The following NEBL variants were observed in gnomAD, a reference collection of about 807,000 sequenced individuals.
NEBL encodes the protein nebulette.
In NEBL, 122 loss-of-function variants were observed where a neutral mutation model predicts 140.2. That is an observed-to-expected ratio of 0.87 (90% CI 0.75 to 1.01). NEBL has a LOEUF of 1.01. Among genes scored for constraint, NEBL ranks in the 50% least tolerant of loss-of-function variants. The probability of loss-of-function intolerance (pLI) is 0.00; values close to 1 mark genes in which losing one functional copy is unlikely to be tolerated. For synonymous variants in NEBL, 436 were observed against 398.9 expected (o/e 1.09, Z -1.11); for missense variants, 1,365 against 1,231.3 (o/e 1.11, Z -1.62).
At chr10:21,252,662 T>G (rs919267580) in intron 1 of NEBL, among the ~76,000 whole-genome samples, 5 of 152,096 alleles carry the variant, frequency 3.3e-5, no homozygotes, top group Admixed American at 2.6e-4. Context: ...CCTATAAAAA[T>G]GAGGCAGAGG....
At chr10:20,875,157 T>C (rs1377845392) in intron 5 of NEBL, among the ~76,000 whole-genome samples, 1 of 152,208 alleles carries the variant, frequency 6.6e-6, no homozygotes, top group Non-Finnish European at 1.5e-5. Flanking sequence ...CCTGAGCTCA[T>C]ATTTTTATCT....
At chr10:20,799,115 GAAAT>G (rs1339096689) in intron 26 of NEBL, among the ~76,000 whole-genome samples, 2 of 152,078 alleles carry the variant, frequency 1.3e-5, no homozygotes, top group African/African-American at 4.8e-5. Context: ...ACATTATAAA[GAAAT>G]AATTCATTTT....
chr10:20,959,749 A>C (rs989508798), intron 4 of NEBL, among the ~76,000 whole-genome samples: 2 of 152,048 alleles, frequency 1.3e-5, no homozygotes, highest in African/African-American at 4.8e-5. Context: ...TAAGACTGCT[A>C]CGGCTGCTAA....
intron 3 of NEBL, among the ~76,000 whole-genome samples, chr10:21,223,900 TGTTTTG>T (rs1370000618): frequency 6.6e-6 from 1 of 152,226 alleles, no homozygotes; most frequent in African/African-American, 2.4e-5. Context: ...CTTTTCCTAT[TGTTTTG>T]AGCTCCTTAT....
At chr10:20,828,366 G>A (rs994592605) in intron 17 of NEBL, among the ~76,000 whole-genome samples, 164 bp downstream of exon 17, 1 of 151,974 alleles carries the variant, frequency 6.6e-6, no homozygotes, top group Non-Finnish European at 1.5e-5. Flanking sequence ...ATGATAATTT[G>A]TAAAAATTAT....
intron 1 of NEBL, among the ~76,000 whole-genome samples, chr10:21,285,696 T>G (rs540545403): frequency 6.6e-6 from 1 of 152,298 alleles, no homozygotes; most frequent in South Asian, 2.1e-4. Context: ...TCACTGAAAT[T>G]TTTCAAGATA....
intron 3 of NEBL, among the ~76,000 whole-genome samples, chr10:20,979,674 A>C (rs1836952904): frequency 6.6e-6 from 1 of 152,208 alleles, no homozygotes; most frequent in Non-Finnish European, 1.5e-5. Flanking sequence ...TGTTTTAAGC[A>C]AACATAATAT....
chr10:21,291,517 AAAG>A (rs954651284), intron 1 of NEBL, among the ~76,000 whole-genome samples: 14 of 151,472 alleles, frequency 9.2e-5, no homozygotes, highest in Non-Finnish European at 1.6e-4. Flanking sequence ...AAAAAAAAAA[AAAG>A]AAGAAGAAGA....
chr10:20,834,036 A>G (rs1840662065), intron 14 of NEBL, among the ~76,000 whole-genome samples: 1 of 152,178 alleles, frequency 6.6e-6, no homozygotes, highest in Admixed American at 6.5e-5. Context: ...TGTAACGTTG[A>G]GATCCCATTA....
At chr10:20,817,499 A>T (rs1838842455) in intron 21 of NEBL, 101 bp downstream of exon 21, 1 of 1,010,776 alleles carries the variant, frequency 9.9e-7, no homozygotes, top group Admixed American at 1.8e-5. Flanking sequence ...AGAACAGGAC[A>T]TCAGCTCAAG....
intron 2 of NEBL, among the ~76,000 whole-genome samples, chr10:21,058,355 G>A (rs1176851046): frequency 2.0e-5 from 3 of 152,090 alleles, no homozygotes; most frequent in African/African-American, 7.2e-5. Context: ...GCATTAAACT[G>A]TTCCATTAGA....
chr10:21,238,577 G>A (rs975793707), intron 3 of NEBL, among the ~76,000 whole-genome samples: 3 of 151,886 alleles, frequency 2.0e-5, no homozygotes, highest in Admixed American at 2.0e-4. Flanking sequence ...GGGCTTGATG[G>A]TGCATGCCTG....
rs1389210844 is a variant in NEBL at position 20,974,955 on chromosome 10, T to C, written c.250-13176A>G. Among the ~76,000 whole-genome samples the C allele has an allele frequency of 2.6e-5, 4 of 152,340 alleles. No homozygotes were observed. In the East Asian group the frequency reaches 5.8e-4, roughly 22 times the overall value. ...AGTTTGTGCTTCAGTTCATCTATTA[T>C]CTTGATTGTATTTCTATGAAGTTTC... On this transcript the variant is annotated intron_variant, in intron 3 of 6. Transcript: ENST00000417816.
upstream of NEBL, among the ~76,000 whole-genome samples, chr10:21,177,372 T>C (rs1841317465): frequency 6.6e-6 from 1 of 152,114 alleles, no homozygotes; most frequent in African/African-American, 2.4e-5. Flanking sequence ...GAGTAAGAAA[T>C]AATTGTTATA....
chr10:21,173,204 G>T lies in NEBL; in HGVS notation c.69+561C>A, dbSNP rs991763415. On this transcript the variant is annotated intron_variant, in intron 1 of 6. Coordinates refer to the NEBL transcript ENST00000417816. This position sits in a 1 kb window ranked among gnomAD's most constrained non-coding sequence, Gnocchi z 5.7. ...CTTCCCCTGGAATTCCCCACCCGGT[G>T]GATTAGACACCCGTGGGTCCGGCTT... is the stretch of plus-strand genomic sequence containing the variant. Among the ~76,000 whole-genome samples the T allele has an allele frequency of 2.2e-4, 34 of 152,320 alleles. No homozygotes were observed. Among genetic ancestry groups the T allele is most frequent in the African/African-American group, 6.7e-4 (28 of 41,578 alleles).
At chr10:20,912,059 G>A (rs766128852) in intron 4 of NEBL, among the ~76,000 whole-genome samples, 2 of 151,880 alleles carry the variant, frequency 1.3e-5, no homozygotes, top group African/African-American at 2.4e-5. Flanking sequence ...TCCCTCTTAC[G>A]GTTATAATAA....
intron 4 of NEBL, among the ~76,000 whole-genome samples, chr10:20,950,629 G>A (rs1375850480): frequency 6.6e-6 from 1 of 152,146 alleles, no homozygotes; most frequent in Admixed American, 6.5e-5. Flanking sequence ...GAATAAAGGT[G>A]TATACGTGTC....
rs139603518 is a variant in NEBL at position 21,082,627 on chromosome 10, C to A, written c.165-62426G>T. On this transcript the variant is annotated intron_variant, in intron 2 of 6. Coordinates refer to the NEBL transcript ENST00000417816. ...ACTCAGCAATGGGCTATTTCCTCAC[C>A]TAATTCCGATGCCCATTTTGATCCT... Among the ~76,000 whole-genome samples, 1,006 of 150,912 alleles carry A rather than the reference C, an allele frequency of 6.7e-3. 5 individuals carry two copies. The highest frequency in any genetic ancestry group is 0.013 in the South Asian group (60 of 4,780).
At chr10:20,982,522 ATGAC>A (rs1158046426) in intron 3 of NEBL, among the ~76,000 whole-genome samples, 4 of 152,346 alleles carry the variant, frequency 2.6e-5, no homozygotes, top group African/African-American at 9.6e-5. Context: ...ATTCCACAAA[ATGAC>A]TGAAAACAAG....
Sources: gnomAD v4.1 joint callset for allele counts (sites outside exome capture counted in the v4.1 genomes callset) on GRCh38, gnomAD v4.1.1 for gene constraint, Gnocchi (gnomAD v3.1) non-coding constraint, MANE v1.5 for transcripts, NCBI Gene and HGNC (gene_info 2026-07-23, HGNC 2026-07-21) for gene names.